The following NUTM2E variants were observed in gnomAD, a reference collection of about 807,000 sequenced individuals.
NUTM2E encodes the protein family with sequence similarity 22, member E.
Under a neutral mutation model 26.1 loss-of-function variants are expected in NUTM2E, and 3 were observed. That is an observed-to-expected ratio of 0.12 (90% confidence interval 0.05 to 0.30). NUTM2E has a LOEUF of 0.30. NUTM2E is among the 10% of genes least tolerant of loss of function. The pLI is 1.00. For missense variants in NUTM2E, 62 were observed against 381.3 expected, an observed-to-expected ratio of 0.16 and a Z score of 6.97; for synonymous variants, 13 against 157.5, an observed-to-expected ratio of 0.08 and a Z score of 6.87.
intron 1 of NUTM2E, among the ~76,000 whole-genome samples, chr10:79,837,492 G>T (rs549233790): frequency 6.6e-6 from 1 of 152,280 alleles, no homozygotes; most frequent in African/African-American, 2.4e-5. Flanking sequence ...AAGGATCACT[G>T]AGGTGGGGAG....
At position 79,839,010 on chromosome 10, in the gene NUTM2E, C is replaced by T. The variant is rs1463272740; in HGVS notation, c.-2219C>T. 1.3e-5 allele frequency among the ~76,000 whole-genome samples: 2 copies of T among 149,938 alleles called. No individual in the cohort carries two copies. Among genetic ancestry groups the T allele is most frequent in the Admixed American group, 1.3e-4 (2 of 15,014 alleles). ...CTGGAGATGTGGAAATGGAGGGACG[C>T]GGCACCTGGGTGCTTCCTGGGGCCA... On this transcript the variant is annotated 5_prime_UTR_variant, in exon 3 of 10. Transcript: ENST00000429984.
At position 79,838,606 on chromosome 10, in the gene NUTM2E, G is replaced by A. The variant is rs551357919; in HGVS notation, c.-2450+20G>A. 2.0e-5 allele frequency among the ~76,000 whole-genome samples: 3 copies of A among 148,786 alleles called. No individual in the cohort carries two copies. Among genetic ancestry groups the A allele is most frequent in the South Asian group, 2.2e-4 (1 of 4,538 alleles). ...GGCCAGGTGAGCAAGGGAAAGGAGC[G>A]CGGCCTGGGCATCCCGCAGGGCCCC... is the stretch of plus-strand genomic sequence containing the variant. On this transcript the variant is annotated intron_variant, in intron 2 of 9. Coordinates refer to ENST00000429984, the MANE Select transcript of NUTM2E (RefSeq NM_001355263.2).
rs192415892 is a variant in NUTM2E at position 79,830,565 on chromosome 10, A to G, written c.-2728+3208A>G. Among the ~76,000 whole-genome samples the G allele has an allele frequency of 2.3e-3, 356 of 151,898 alleles. 8 individuals are homozygous for G. Among genetic ancestry groups the G allele is most frequent in the African/African-American group, 8.1e-3 (337 of 41,490 alleles). On this transcript the variant is annotated intron_variant, in intron 1 of 9. Coordinates refer to ENST00000429984, the MANE Select transcript of NUTM2E (RefSeq NM_001355263.2). Reference sequence around the variant, plus strand: ...TTTGTTCATGTATAACCAATAACTTACTTGTGATGCCATAGAAAAAATTCA... The same window carrying G: ...TTTGTTCATGTATAACCAATAACTTGCTTGTGATGCCATAGAAAAAATTCA...
At position 79,826,921 on chromosome 10, in the gene NUTM2E, G is replaced by C. The variant is rs1254010489; in HGVS notation, c.-3164G>C. 6.6e-6 allele frequency: 1 copy of C among 150,662 alleles called. No homozygotes were observed. Among genetic ancestry groups the C allele is most frequent in the Non-Finnish European group, 1.5e-5 (1 of 67,544 alleles). 9.3% of individuals were successfully genotyped at this position (150,662 alleles called of 1,614,324 possible). A position where few individuals can be genotyped will look rare whatever the true frequency, so the allele number is the denominator to read the frequency against. ...AGCTCGGGATCCGGGTCGGGGTGTC[G>C]GCCGGGTTGCTGCCGGGCACCGTCG... On this transcript the variant is annotated 5_prime_UTR_variant, in exon 1 of 10. Coordinates refer to ENST00000429984, the MANE Select transcript of NUTM2E (RefSeq NM_001355263.2).
chr10:79,833,886 A>G (rs1841944051), intron 1 of NUTM2E, among the ~76,000 whole-genome samples: 1 of 151,894 alleles, frequency 6.6e-6, no homozygotes, highest in Non-Finnish European at 1.5e-5. Context: ...ATTATAAATC[A>G]TTCTTCTATA....
At chr10:79,832,972 TTGTATA>T (rs1450320463) in intron 1 of NUTM2E, among the ~76,000 whole-genome samples, 1 of 151,702 alleles carries the variant, frequency 6.6e-6, no homozygotes, top group Non-Finnish European at 1.5e-5. Context: ...CAGTAAGTGT[TTGTATA>T]TGTATCTGCA....
intron 3 of NUTM2E, among the ~76,000 whole-genome samples, 61 bp downstream of exon 3, chr10:79,839,176 G>A (rs1841984157): frequency 6.6e-6 from 1 of 151,478 alleles, no homozygotes; most frequent in African/African-American, 2.4e-5. Context: ...TTTACCTTTG[G>A]AGGGTTTATC....
chr10:79,827,566 C>CAAAAA (rs879172921), intron 1 of NUTM2E: 103 of 104,622 alleles, frequency 9.8e-4, no homozygotes, highest in African/African-American at 3.1e-3. Flanking sequence ...CCCATGCTCA[C>CAAAAA]AAAAAAAAAA....
chr10:79,833,461 C>A (rs1284737296), intron 1 of NUTM2E, among the ~76,000 whole-genome samples: 2 of 150,382 alleles, frequency 1.3e-5, no homozygotes, highest in Non-Finnish European at 3.0e-5. Flanking sequence ...GCAATCTATC[C>A]ATCTGGCAAA....
At chr10:79,849,184 CTCTG>C (rs1369743658) in intron 8 of NUTM2E, among the ~76,000 whole-genome samples, 183 bp from the exon 9 acceptor site, 8 of 57,016 alleles carry the variant, frequency 1.4e-4, no homozygotes, top group African/African-American at 4.9e-4. Context: ...GTTTGTGTGT[CTCTG>C]TCTGTGTGTG....
intron 1 of NUTM2E, among the ~76,000 whole-genome samples, chr10:79,837,836 A>C (rs1841973489): frequency 6.6e-6 from 1 of 151,962 alleles, no homozygotes; most frequent in Non-Finnish European, 1.5e-5. Flanking sequence ...GCAATTGAGT[A>C]AAATAGTATT....
intron 2 of NUTM2E, among the ~76,000 whole-genome samples, 45 bp downstream of exon 2, chr10:79,838,631 C>G (rs1392687387): frequency 6.6e-6 from 1 of 150,732 alleles, no homozygotes; most frequent in African/African-American, 2.4e-5. Flanking sequence ...CGCAGGGCCC[C>G]CACTAGGAAA....
At chr10:79,831,315 TTAAACA>T (rs1841925929) in intron 1 of NUTM2E, among the ~76,000 whole-genome samples, 1 of 151,424 alleles carries the variant, frequency 6.6e-6, no homozygotes, top group Admixed American at 6.6e-5. Context: ...TACTTAACAG[TTAAACA>T]TTATATACTT....
At chr10:79,836,934 A>T (rs1174469382) in intron 1 of NUTM2E, among the ~76,000 whole-genome samples, 1 of 151,996 alleles carries the variant, frequency 6.6e-6, no homozygotes, top group Non-Finnish European at 1.5e-5. Flanking sequence ...CCTGCAAGAA[A>T]AAATGCCTCT....
intron 1 of NUTM2E, among the ~76,000 whole-genome samples, chr10:79,834,917 A>G (rs1344320286): frequency 2.6e-5 from 4 of 151,548 alleles, no homozygotes; most frequent in African/African-American, 4.8e-5. Context: ...ATTTTATTTT[A>G]TCTTTCTCTC....
chr10:79,835,879 T>C (rs1197729216), intron 1 of NUTM2E, among the ~76,000 whole-genome samples: 1 of 136,200 alleles, frequency 7.3e-6, no homozygotes, highest in Non-Finnish European at 1.6e-5. Context: ...GTTCAAAATA[T>C]TATTTCATGG....
At chr10:79,837,953 C>G (rs945644299) in intron 1 of NUTM2E, among the ~76,000 whole-genome samples, 3 of 151,366 alleles carry the variant, frequency 2.0e-5, no homozygotes, top group Non-Finnish European at 4.4e-5. Context: ...GAAAACAAAA[C>G]CCCCAAATGA....
At chr10:79,837,481 T>A (rs1466278924) in intron 1 of NUTM2E, among the ~76,000 whole-genome samples, 2 of 152,144 alleles carry the variant, frequency 1.3e-5, no homozygotes, top group Non-Finnish European at 2.9e-5. Flanking sequence ...AATGGATCAC[T>A]AAGGATCACT....
chr10:79,838,031 T>A (rs1841974536), intron 1 of NUTM2E, among the ~76,000 whole-genome samples: 1 of 151,488 alleles, frequency 6.6e-6, no homozygotes, highest in Non-Finnish European at 1.5e-5. Flanking sequence ...TGTCTCTCAG[T>A]TCTATTCTCC....
Sources: gnomAD v4.1 joint callset for allele counts (sites outside exome capture counted in the v4.1 genomes callset) on GRCh38, gnomAD v4.1.1 for gene constraint, MANE v1.5 for transcripts, NCBI Gene and HGNC (gene_info 2026-07-23, HGNC 2026-07-21) for gene names.